SPMIP4: variants seen among roughly 807,000 people sequenced by gnomAD.
The protein encoded by SPMIP4 is sperm microtubule inner protein 4, also known as sperm-associated microtubule inner protein 4.
the SPMIP4 span, among the ~76,000 whole-genome samples, chr7:25,133,993 G>T: frequency 2.0e-5 from 3 of 152,192 alleles, no homozygotes; most frequent in African/African-American, 4.8e-5. Flanking sequence ...TGGGCATGGT[G>T]GCTCACGCTT....
chr7:25,154,095 A>T, the SPMIP4 span, among the ~76,000 whole-genome samples: 2 of 152,180 alleles, frequency 1.3e-5, no homozygotes, highest in African/African-American at 4.8e-5. Context: ...CCAGAATTCT[A>T]CTCATGCAGT....
chr7:25,154,971 A>G, the SPMIP4 span: 1 of 1,549,198 alleles, frequency 6.5e-7, no homozygotes, highest in Admixed American at 1.9e-5. Flanking sequence ...AATCCCAATA[A>G]TAAGAATTAA....
At chr7:25,158,456 T>A in the SPMIP4 span, 1 of 1,467,452 alleles carries the variant, frequency 6.8e-7, no homozygotes, top group South Asian at 1.2e-5. Context: ...CAATTTTTTT[T>A]TCTTTGATTA....
the SPMIP4 span, among the ~76,000 whole-genome samples, chr7:25,146,186 G>C: frequency 1.3e-5 from 2 of 152,188 alleles, no homozygotes; most frequent in Non-Finnish European, 2.9e-5. Flanking sequence ...GCAAATGAGA[G>C]ACTGGCAGAG....
chr7:25,179,406 T>C, the SPMIP4 span: 12 of 1,355,134 alleles, frequency 8.9e-6, no homozygotes, highest in Admixed American at 1.3e-4. Context: ...CACTGCTAAA[T>C]TGTTCAACCT....
chr7:25,153,553 G>C, the SPMIP4 span, among the ~76,000 whole-genome samples: 1 of 129,928 alleles, frequency 7.7e-6, no homozygotes, highest in Non-Finnish European at 1.6e-5. Context: ...AACAGAGCAA[G>C]ACTCCGTCTC....
chr7:25,125,905 C>G, the SPMIP4 span: 1 of 985,400 alleles, frequency 1.0e-6, no homozygotes, highest in East Asian at 1.1e-4. Context: ...CATTCCAGCT[C>G]TCCGCTTGAT....
At chr7:25,134,781 T>C in the SPMIP4 span, 59 of 985,414 alleles carry the variant, frequency 6.0e-5, 1 homozygote, top group East Asian at 6.1e-3. Flanking sequence ...GTGTACACTA[T>C]ATCTCCCTCA....
the SPMIP4 span, among the ~76,000 whole-genome samples, chr7:25,127,208 C>A: frequency 1.3e-5 from 2 of 152,048 alleles, no homozygotes; most frequent in Non-Finnish European, 2.9e-5. Context: ...CCTTCTTGTA[C>A]TTGAATATTG....
the SPMIP4 span, among the ~76,000 whole-genome samples, chr7:25,176,744 G>GAATTTTACAAAATTTGTAA: frequency 1.5e-4 from 23 of 152,160 alleles, no homozygotes; most frequent in Non-Finnish European, 4.4e-5. This position sits in a 1 kb window ranked among gnomAD's most constrained non-coding sequence, Gnocchi z 4.4. Flanking sequence ...GAAAAATAAA[G>GAATTTTACAAAATTTGTAA]AATTTGTTTT....
chr7:25,180,239 A>C, the SPMIP4 span: 6 of 152,576 alleles, frequency 3.9e-5, no homozygotes, highest in Admixed American at 2.0e-4. Flanking sequence ...GCGCAGTAGG[A>C]GGCTCTTAGA....
At chr7:25,150,233 A>G in the SPMIP4 span, among the ~76,000 whole-genome samples, 1 of 152,236 alleles carries the variant, frequency 6.6e-6, no homozygotes. Context: ...TTTAATGACT[A>G]GGAAGAAACT....
chr7:25,158,368 C>CAAAAAAA, the SPMIP4 span: 119 of 301,890 alleles, frequency 3.9e-4, 2 homozygotes, highest in South Asian at 5.3e-4. Flanking sequence ...GACTCTGTCT[C>CAAAAAAA]AAAAAAAAAA....
At chr7:25,134,941 GA>G in the SPMIP4 span, 2 of 985,358 alleles carry the variant, frequency 2.0e-6, no homozygotes, top group Non-Finnish European at 2.4e-6. Flanking sequence ...GTGCTGTACA[GA>G]ATGCAGTTGG....
the SPMIP4 span, among the ~76,000 whole-genome samples, chr7:25,128,018 G>T: frequency 1.3e-5 from 2 of 152,220 alleles, no homozygotes; most frequent in African/African-American, 4.8e-5. This position sits in a 1 kb window ranked among gnomAD's most constrained non-coding sequence, Gnocchi z 4.5. Flanking sequence ...TGGATTACCA[G>T]GCAGAGACTC....
chr7:25,130,014 G>A, the SPMIP4 span, among the ~76,000 whole-genome samples: 2 of 151,924 alleles, frequency 1.3e-5, no homozygotes, highest in African/African-American at 4.8e-5. Flanking sequence ...GAGGCGGGTG[G>A]ATCACTTGAT....
chr7:25,138,559 T>G, the SPMIP4 span, among the ~76,000 whole-genome samples: 4 of 152,196 alleles, frequency 2.6e-5, no homozygotes, highest in African/African-American at 4.8e-5. The surrounding 1 kb of genome is among the most constrained non-coding windows in gnomAD (Gnocchi z 6.2). Flanking sequence ...ATAAAATTTA[T>G]TTACAAAACC....
chr7:25,135,935 T>C, the SPMIP4 span: 12 of 1,539,840 alleles, frequency 7.8e-6, no homozygotes, highest in South Asian at 1.6e-4. Flanking sequence ...TTTAGCTTCT[T>C]GCAAGAGGCT....
At chr7:25,152,084 A>G in the SPMIP4 span, among the ~76,000 whole-genome samples, 1 of 152,066 alleles carries the variant, frequency 6.6e-6, no homozygotes, top group Non-Finnish European at 1.5e-5. Flanking sequence ...AATAGGAGTC[A>G]CTAGTACTTC....
Sources: allele counts gnomAD v4.1 joint callset (sites outside exome capture counted in the v4.1 genomes callset), GRCh38; gene constraint gnomAD v4.1.1; non-coding constraint Gnocchi (gnomAD v3.1); transcripts MANE v1.5; gene names NCBI Gene and HGNC (gene_info 2026-07-23, HGNC 2026-07-21).